Variants in COL21A1 observed in about 807,000 individuals in gnomAD.
COL21A1 encodes the protein collagen alpha-1(XXI) chain.
Under a neutral mutation model 137.9 loss-of-function variants are expected in COL21A1, and 149 were observed. The ratio of observed to expected loss-of-function variants is 1.08; its 90% CI spans 0.95 to 1.24. COL21A1 has a LOEUF of 1.24. Among genes scored for constraint, COL21A1 ranks in the 50% most tolerant of loss-of-function variants. The pLI, the probability that COL21A1 is intolerant of heterozygous loss-of-function variation, is 0.00. For missense variants in COL21A1, 1,167 were observed against 1,158.4 expected, an observed-to-expected ratio of 1.01 and a Z score of -0.11; for synonymous variants, 456 against 391.5, an observed-to-expected ratio of 1.16 and a Z score of -1.95.
At chr6:56,218,792 A>G (rs997988626) in intron 1 of COL21A1, among the ~76,000 whole-genome samples, 5 of 152,096 alleles carry the variant, frequency 3.3e-5, no homozygotes, top group African/African-American at 1.2e-4. Flanking sequence ...ATGAATGTAC[A>G]GTGCAGTGGT....
At chr6:56,343,843 G>A (rs922590481) in intron 1 of COL21A1, among the ~76,000 whole-genome samples, 2 of 152,100 alleles carry the variant, frequency 1.3e-5, no homozygotes, top group African/African-American at 4.8e-5. Flanking sequence ...CTCGATGGTG[G>A]GGGAGCTGAG....
chr6:56,314,429 C>A (rs939555585), intron 1 of COL21A1, among the ~76,000 whole-genome samples: 1 of 152,108 alleles, frequency 6.6e-6, no homozygotes, highest in Non-Finnish European at 1.5e-5. Context: ...GAGCCCTCTT[C>A]CCATTGAGTA....
chr6:56,094,305 C>A (rs12203768), intron 17 of COL21A1, among the ~76,000 whole-genome samples: 23,109 of 152,132 alleles, frequency 0.15, 1,782 homozygotes, highest in Middle Eastern at 0.22. Context: ...CACTATTCTT[C>A]CAGTTTCCTA....
At chr6:56,181,966 T>C (rs529391281) in intron 2 of COL21A1, among the ~76,000 whole-genome samples, 1 of 152,202 alleles carries the variant, frequency 6.6e-6, no homozygotes, top group Non-Finnish European at 1.5e-5. Context: ...TGTCAAACCA[T>C]CTCATTTAAC....
At chr6:56,276,650 G>C in intron 1 of COL21A1, 1 of 1,443,704 alleles carries the variant, frequency 6.9e-7, no homozygotes, top group Non-Finnish European at 9.7e-7. Context: ...TGGAAAACAC[G>C]TGTCACTTTC....
chr6:56,285,143 T>C (rs1328007651), intron 1 of COL21A1, among the ~76,000 whole-genome samples: 1 of 152,166 alleles, frequency 6.6e-6, no homozygotes, highest in Non-Finnish European at 1.5e-5. Flanking sequence ...CATTCCTTCA[T>C]CCAATGGATG....
At chr6:56,176,115 A>G (rs1175227854) in intron 3 of COL21A1, among the ~76,000 whole-genome samples, 3 of 152,142 alleles carry the variant, frequency 2.0e-5, no homozygotes, top group African/African-American at 7.2e-5. Flanking sequence ...TACACCATAC[A>G]CAAAAAACAA....
chr6:56,293,384 T>C (rs546852163), intron 1 of COL21A1, among the ~76,000 whole-genome samples: 3 of 152,278 alleles, frequency 2.0e-5, no homozygotes, highest in African/African-American at 7.2e-5. Flanking sequence ...TTCCATGACA[T>C]ATGACATTAA....
intron 1 of COL21A1, among the ~76,000 whole-genome samples, chr6:56,384,680 C>A (rs1318860400): frequency 1.3e-5 from 2 of 152,040 alleles, no homozygotes; most frequent in Non-Finnish European, 2.9e-5. Context: ...TATTACAGGG[C>A]AAATTTTTTT....
At chr6:56,308,294 C>T (rs924532787) in intron 1 of COL21A1, among the ~76,000 whole-genome samples, 4 of 152,198 alleles carry the variant, frequency 2.6e-5, no homozygotes, top group African/African-American at 9.6e-5. Flanking sequence ...AACAAGGAGG[C>T]CCCCATCAGA....
At chr6:56,159,782 G>A (rs1776058173) in intron 9 of COL21A1, among the ~76,000 whole-genome samples, 1 of 151,890 alleles carries the variant, frequency 6.6e-6, no homozygotes, top group East Asian at 1.9e-4. Flanking sequence ...GATATCAAAA[G>A]GATTTGACAG....
At chr6:56,097,882 T>A (rs1164047629) in intron 17 of COL21A1, among the ~76,000 whole-genome samples, 1 of 94,946 alleles carries the variant, frequency 1.1e-5, no homozygotes, top group Non-Finnish European at 2.0e-5. Context: ...TATAAATATA[T>A]AAATATATAT....
chr6:56,273,525 G>C (rs1336190792), intron 1 of COL21A1, among the ~76,000 whole-genome samples: 1 of 152,110 alleles, frequency 6.6e-6, no homozygotes, highest in African/African-American at 2.4e-5. Flanking sequence ...AGCACAATCA[G>C]GAATGACAGA....
intron 1 of COL21A1, among the ~76,000 whole-genome samples, chr6:56,197,366 C>T (rs1779090540): frequency 6.6e-6 from 1 of 151,922 alleles, no homozygotes; most frequent in Admixed American, 6.6e-5. Context: ...AGTGGGACTA[C>T]ATCAAACTAA....
chr6:56,364,577 G>C (rs1379874962), intron 1 of COL21A1, among the ~76,000 whole-genome samples: 1 of 152,146 alleles, frequency 6.6e-6, no homozygotes, highest in East Asian at 1.9e-4. Flanking sequence ...AAGGGGCTTT[G>C]TGCTATGCTG....
chr6:56,213,072 G>A (rs1780273074), intron 1 of COL21A1, among the ~76,000 whole-genome samples: 1 of 151,806 alleles, frequency 6.6e-6, no homozygotes, highest in Non-Finnish European at 1.5e-5. Context: ...AAAAGTAGAG[G>A]ACTGACCAGT....
intron 1 of COL21A1, among the ~76,000 whole-genome samples, chr6:56,190,430 G>A (rs1273870637): frequency 6.6e-6 from 1 of 152,164 alleles, no homozygotes; most frequent in African/African-American, 2.4e-5. Context: ...AACAAGTTCT[G>A]AAATTGAGGC....
At chr6:56,179,223 G>A (rs918817905) in intron 3 of COL21A1, among the ~76,000 whole-genome samples, 2 of 151,758 alleles carry the variant, frequency 1.3e-5, no homozygotes, top group Admixed American at 1.3e-4. Flanking sequence ...TCATTAACGG[G>A]GTGATATGAT....
intron 3 of COL21A1, among the ~76,000 whole-genome samples, chr6:56,174,094 G>T (rs1463756614): frequency 6.6e-6 from 1 of 152,042 alleles, no homozygotes. Context: ...TAGCCATCAG[G>T]TCAAAGAAGA....
Sources: allele counts gnomAD v4.1 joint callset (sites outside exome capture counted in the v4.1 genomes callset), GRCh38; gene constraint gnomAD v4.1.1; transcripts MANE v1.5; gene names NCBI Gene and HGNC (gene_info 2026-07-23, HGNC 2026-07-21).